Variants in NEK7 observed in about 807,000 individuals in gnomAD.
NEK7 encodes the protein serine/threonine-protein kinase Nek7.
In NEK7, 18 loss-of-function variants were observed where a neutral mutation model predicts 44.6. That is an observed-to-expected ratio of 0.40 (90% CI 0.28 to 0.60). NEK7 has a LOEUF of 0.60. Among genes scored for constraint, NEK7 ranks in the 20% least tolerant of loss-of-function variants. The pLI is 0.38. For synonymous variants in NEK7, 130 were observed against 121.1 expected, an observed-to-expected ratio of 1.07 and a Z score of -0.48; for missense variants, 256 against 366.5, an observed-to-expected ratio of 0.70 and a Z score of 2.46.
intron 1 of NEK7, among the ~76,000 whole-genome samples, chr1:198,217,992 A>T (rs1665973376): frequency 6.6e-6 from 1 of 152,062 alleles, no homozygotes; most frequent in Non-Finnish European, 1.5e-5. Flanking sequence ...ATATTGTGAA[A>T]ATGACCATAC....
At chr1:198,316,603 A>G (rs1655375810) in intron 9 of NEK7, among the ~76,000 whole-genome samples, 1 of 152,202 alleles carries the variant, frequency 6.6e-6, no homozygotes, top group Admixed American at 6.5e-5. Flanking sequence ...GTAGTTTATA[A>G]TAGAATTATT....
intron 1 of NEK7, among the ~76,000 whole-genome samples, chr1:198,231,715 T>G (rs776058645): frequency 6.6e-6 from 1 of 151,892 alleles, no homozygotes; most frequent in South Asian, 2.1e-4. Flanking sequence ...AGTCACAGGG[T>G]AGAGGAAGAA....
intron 2 of NEK7, 44 bp downstream of exon 2, chr1:198,232,681 T>G (rs1433011928): frequency 9.2e-7 from 1 of 1,092,734 alleles, no homozygotes; most frequent in Non-Finnish European, 1.4e-6. Flanking sequence ...ATATAATCTG[T>G]GTTAAATATG....
At chr1:198,303,151 C>T (rs1654936711) in intron 9 of NEK7, among the ~76,000 whole-genome samples, 1 of 152,040 alleles carries the variant, frequency 6.6e-6, no homozygotes, top group Non-Finnish European at 1.5e-5. Flanking sequence ...GAGGAAACGG[C>T]AGAAGGGTAG....
chr1:198,302,820 C>A (rs1170932282), intron 9 of NEK7, among the ~76,000 whole-genome samples: 2 of 152,104 alleles, frequency 1.3e-5, no homozygotes, highest in African/African-American at 4.8e-5. Flanking sequence ...GAGACCTAGA[C>A]AATGTTTAGA....
At chr1:198,253,265 T>C in intron 3 of NEK7, 85 bp downstream of exon 3, 1 of 863,254 alleles carries the variant, frequency 1.2e-6, no homozygotes, top group Non-Finnish European at 1.8e-6. Flanking sequence ...AATGATTGGG[T>C]ACTGATAGCC....
chr1:198,157,311 G>C (rs990222720), intron 1 of NEK7, 35 bp downstream of exon 1: 2 of 152,220 alleles, frequency 1.3e-5, no homozygotes, highest in Non-Finnish European at 2.9e-5. Flanking sequence ...CGCCCGGACC[G>C]GGCAGCTCCT....
intron 2 of NEK7, among the ~76,000 whole-genome samples, chr1:198,250,793 G>A (rs61831667): frequency 6.8e-6 from 1 of 146,046 alleles, no homozygotes; most frequent in Non-Finnish European, 1.5e-5. Flanking sequence ...GAGACAATGG[G>A]GTTTTCTAGA....
At chr1:198,296,851 C>T (rs1654730294) in intron 8 of NEK7, among the ~76,000 whole-genome samples, 2 of 151,766 alleles carry the variant, frequency 1.3e-5, no homozygotes, top group African/African-American at 4.8e-5. Context: ...TGTTATTTTT[C>T]TTTATTGTTT....
At chr1:198,203,920 G>A (rs761727665) in intron 1 of NEK7, among the ~76,000 whole-genome samples, 10 of 151,974 alleles carry the variant, frequency 6.6e-5, no homozygotes, top group Non-Finnish European at 1.2e-4. Context: ...TCCTTTTTGG[G>A]AAAGTAGTAG....
At chr1:198,245,192 GAGGAGA>G (rs72101993) in intron 2 of NEK7, 3,982 of 169,130 alleles carry the variant, frequency 0.024, 170 homozygotes, top group African/African-American at 0.089. Flanking sequence ...TGGGTAGGCA[GAGGAGA>G]AGGAGAAAGA....
rs368335804 is a variant in NEK7, at chr1:198,279,066, G to C, written c.589+5G>C. 6.4e-7 allele frequency: 1 copy of C among 1,551,562 alleles called. No individual in the cohort carries two copies. Among genetic ancestry groups the C allele is most frequent in the South Asian group, 1.1e-5 (1 of 89,732 alleles). On this transcript the variant is annotated splice_donor_5th_base_variant and intron_variant, in intron 7 of 9. Transcript: ENST00000367385. Reference sequence around the variant, plus strand: ...CCACAGCTGCACATTCTTTAGGTAAGAGACACAATATAATTTCATTCAGTT... The same window carrying C: ...CCACAGCTGCACATTCTTTAGGTAACAGACACAATATAATTTCATTCAGTT...
At position 198,176,283 on chromosome 1, in the gene NEK7, A is replaced by C. The variant is rs74388251; in HGVS notation, c.-29+19007A>C. Among the ~76,000 whole-genome samples, 1,449 of 152,304 alleles carry C rather than the reference A, an allele frequency of 9.5e-3. 21 individuals carry two copies. Among genetic ancestry groups the C allele is most frequent in the African/African-American group, 0.033 (1,359 of 41,558 alleles). On this transcript the variant is annotated intron_variant, in intron 1 of 9. Coordinates refer to ENST00000367385, the MANE Select transcript of NEK7 (RefSeq NM_133494.3). ...GGTGGACAGACAACTGATTCATTTAAATACATGAGACAAATGCTTAAAATA... is the reference window on the plus strand; with the variant it reads ...GGTGGACAGACAACTGATTCATTTACATACATGAGACAAATGCTTAAAATA...
chr1:198,250,700 A>G (rs1235345706), intron 2 of NEK7, among the ~76,000 whole-genome samples: 2 of 143,730 alleles, frequency 1.4e-5, no homozygotes, highest in African/African-American at 5.2e-5. Flanking sequence ...TTGGTGTATA[A>G]GAATGCTTGT....
chr1:198,229,392 A>G (rs1666320876), intron 1 of NEK7, among the ~76,000 whole-genome samples: 3 of 152,158 alleles, frequency 2.0e-5, no homozygotes, highest in Admixed American at 2.0e-4. Context: ...GAGGTCTGTG[A>G]GCCGCTCTGG....
At chr1:198,208,165 A>G (rs903712156) in intron 1 of NEK7, among the ~76,000 whole-genome samples, 3 of 151,912 alleles carry the variant, frequency 2.0e-5, no homozygotes, top group African/African-American at 4.8e-5. Context: ...TCTCTTTGCT[A>G]TTTTGTGTTC....
intron 1 of NEK7, among the ~76,000 whole-genome samples, chr1:198,180,760 AAAC>A (rs1558044473): frequency 6.6e-6 from 1 of 152,090 alleles, no homozygotes; most frequent in Non-Finnish European, 1.5e-5. Context: ...TACTTTGAGA[AAAC>A]AAATTCACAG....
intron 1 of NEK7, among the ~76,000 whole-genome samples, chr1:198,196,456 C>T (rs1665239447): frequency 6.6e-6 from 1 of 152,230 alleles, no homozygotes; most frequent in East Asian, 1.9e-4. Flanking sequence ...TCTTGGTTCC[C>T]CACTTGCTAG....
intron 7 of NEK7, among the ~76,000 whole-genome samples, chr1:198,285,641 A>G (rs1255477955): frequency 2.0e-5 from 3 of 151,988 alleles, no homozygotes; most frequent in Non-Finnish European, 4.4e-5. Context: ...GATTACTTCC[A>G]TTCACATTTC....
Sources: allele counts gnomAD v4.1 joint callset (sites outside exome capture counted in the v4.1 genomes callset), GRCh38; gene constraint gnomAD v4.1.1; transcripts MANE v1.5; gene names NCBI Gene and HGNC (gene_info 2026-07-23, HGNC 2026-07-21).